PITPNM2: variants seen among roughly 807,000 people sequenced by gnomAD.
PITPNM2 encodes the protein membrane-associated phosphatidylinositol transfer protein 2.
Under a neutral mutation model 132.2 loss-of-function variants are expected in PITPNM2, and 35 were observed. The ratio of observed to expected loss-of-function variants is 0.26; its 90% CI spans 0.20 to 0.35. The LOEUF is 0.35. Among genes scored for constraint, PITPNM2 ranks in the 10% least tolerant of loss-of-function variants. The pLI is 1.00. For missense variants in PITPNM2, 1,332 were observed against 1,912.0 expected (o/e 0.70, Z 5.66); for synonymous variants, 738 against 799.2 (o/e 0.92, Z 1.29).
At chr12:122,987,195 C>T (rs2037973602) in intron 23 of PITPNM2, 86 bp downstream of exon 23, 2 of 1,570,826 alleles carry the variant, frequency 1.3e-6, no homozygotes, top group Non-Finnish European at 1.7e-6. Flanking sequence ...CACAGAGGCT[C>T]CGCTGTCCTC....
rs79456402 is a variant in PITPNM2, at chr12:122,997,303, A to G, written c.1472+22T>C. On this transcript the variant is annotated intron_variant, in intron 11 of 25. Coordinates refer to ENST00000320201, the MANE Select transcript of PITPNM2 (RefSeq NM_020845.3). ...GGACAGTGCACTGCCGGAGGCTGCA[A>G]TCAAGGGCAGATGCCACTCACTTGG... The G allele has an allele frequency of 3.8e-4, 617 of 1,611,624 alleles. 7 individuals carry two copies. In the African/African-American group the frequency reaches 4.3e-3, roughly 11 times the overall value.
At chr12:122,989,703 G>A (rs1364927213) in intron 18 of PITPNM2, 84 bp downstream of exon 18, 2 of 1,261,656 alleles carry the variant, frequency 1.6e-6, no homozygotes, top group Middle Eastern at 3.1e-4. Context: ...GCCGAAGCGG[G>A]GGTCTAGGTG....
chr12:122,989,317 T>G (rs905436566), intron 18 of PITPNM2, among the ~76,000 whole-genome samples: 8 of 152,150 alleles, frequency 5.3e-5, no homozygotes, highest in African/African-American at 1.9e-4. Flanking sequence ...GCTGCCCTTC[T>G]CGCACCTGGG....
intron 2 of PITPNM2, among the ~76,000 whole-genome samples, chr12:123,065,442 G>A (rs929010814): frequency 5.9e-5 from 9 of 152,246 alleles, no homozygotes; most frequent in South Asian, 2.1e-4. Flanking sequence ...GGGAACCAAC[G>A]GGGCTGGCAG....
At position 123,000,846 on chromosome 12, in the gene PITPNM2, C is replaced by A; in HGVS notation, c.1156G>T (p.Gly386Cys). 1 of 1,614,046 alleles carries A rather than the reference C, an allele frequency of 6.2e-7. No homozygotes were observed. The highest frequency in any genetic ancestry group is 2.2e-5 in the East Asian group (1 of 44,884). ...TCAGGGGCACCCTGGCGGTACAGAC[C>A]ATCTGCAAAGACACAGAAGCCGTGC... ...ESPEPEDTQDGLYRQGAPEFR... is the reference protein window; with the variant it reads ...ESPEPEDTQDCLYRQGAPEFR... The change falls in exon 10 of 26, where the codon GGT (glycine) becomes TGT (cysteine). Residue 386 changes from glycine (G) to cysteine (C), a missense_variant and splice_region_variant. Transcript: ENST00000320201. The surrounding 1 kb of genome is among the most constrained non-coding windows in gnomAD (Gnocchi z 5.4).
intron 2 of PITPNM2, among the ~76,000 whole-genome samples, chr12:123,062,506 G>A (rs1279812676): frequency 6.6e-6 from 1 of 152,118 alleles, no homozygotes; most frequent in East Asian, 1.9e-4. Context: ...CGGGGCAGGG[G>A]CAGAGGCTAT....
Position 123,064,382 on chromosome 12 carries a change from C to A in PITPNM2, c.-95-29697G>T. On this transcript the variant is annotated intron_variant, in intron 2 of 25. Coordinates refer to ENST00000320201, the MANE Select transcript of PITPNM2 (RefSeq NM_020845.3). The surrounding 1 kb of genome is among the most constrained non-coding windows in gnomAD (Gnocchi z 4.0). ...CCAGCACCCCAAGGCCTGCAGCCCACAGGAGGCTCTCAGCCACCACGGGGC... is the reference window on the plus strand; with the variant it reads ...CCAGCACCCCAAGGCCTGCAGCCCAAAGGAGGCTCTCAGCCACCACGGGGC... Among the ~76,000 whole-genome samples the A allele has an allele frequency of 6.6e-6, 1 of 152,234 alleles. No individual in the cohort carries two copies. The highest frequency in any genetic ancestry group is 1.5e-5 in the Non-Finnish European group (1 of 68,036).
intron 2 of PITPNM2, among the ~76,000 whole-genome samples, chr12:123,079,879 A>C (rs571797133): frequency 6.6e-6 from 1 of 152,164 alleles, no homozygotes; most frequent in Non-Finnish European, 1.5e-5. Context: ...ATCTAGTTCC[A>C]GAGTTTCAGC....
Position 123,005,538 on chromosome 12 carries a change from C to T in PITPNM2, c.654G>A (p.Arg218=). The change falls in exon 7 of 26, where the codon AGG becomes AGA. Residue 218 remains arginine, a synonymous_variant. Transcript: ENST00000320201. This position sits in a 1 kb window ranked among gnomAD's most constrained non-coding sequence, Gnocchi z 6.2. ...CCTGCCGGTGAGCCCGCACCATCAC[C>T]CTCCGTAGTCCTGTGCCCCATGGGG... ...ERFIHDTGLR[R]VMVRAHRQAW... 4 of 1,612,972 alleles carry T rather than the reference C, an allele frequency of 2.5e-6. No homozygotes were observed. The East Asian group carries it at 8.9e-5, about 36-fold the overall frequency.
chr12:122,997,502 C>G lies in PITPNM2; in HGVS notation c.1295G>C (p.Gly432Ala), dbSNP rs1377966696. The change falls in exon 11 of 26, where the codon GGC (glycine) becomes GCC (alanine). Residue 432 changes from glycine (G) to alanine (A), a missense_variant. This residue lies in a region of PITPNM2 where 710 missense variants were observed against 911.5 expected (regional missense o/e 0.78). Coordinates refer to ENST00000320201, the MANE Select transcript of PITPNM2 (RefSeq NM_020845.3). ...CCCGGCGCCTGTGTCCAGGATGGTGCCTCCGTGCAGCACCAGTAGCAGCAC... is the reference window on the plus strand; with the variant it reads ...CCCGGCGCCTGTGTCCAGGATGGTGGCTCCGTGCAGCACCAGTAGCAGCAC... ...IHVLLLVLHG[G>A]TILDTGAGDP... 6.2e-7 allele frequency: 1 copy of G among 1,613,272 alleles called. No individual in the cohort carries two copies. Among genetic ancestry groups the G allele is most frequent in the East Asian group, 2.2e-5 (1 of 44,874 alleles).
intron 2 of PITPNM2, among the ~76,000 whole-genome samples, chr12:123,071,648 A>G (rs1806471164): frequency 6.6e-6 from 1 of 152,246 alleles, no homozygotes; most frequent in Non-Finnish European, 1.5e-5. Context: ...GTACAGAGCA[A>G]TCTGACACTG....
At chr12:123,029,301 G>T (rs945066773) in intron 3 of PITPNM2, among the ~76,000 whole-genome samples, 1 of 152,214 alleles carries the variant, frequency 6.6e-6, no homozygotes, top group Non-Finnish European at 1.5e-5. Flanking sequence ...TACAGATAAA[G>T]AAACTGGCTG....
At position 123,078,631 on chromosome 12, in the gene PITPNM2, G is replaced by A. The variant is rs773946590; in HGVS notation, c.-96+31754C>T. 6.6e-6 allele frequency among the ~76,000 whole-genome samples: 1 copy of A among 152,236 alleles called. No individual in the cohort carries two copies. The highest frequency in any genetic ancestry group is 1.5e-5 in the Non-Finnish European group (1 of 68,038). ...TGAGTCACATCTTCCCACCCTCAGG[G>A]ATAAGGGGATACCCACCTATGGAAG... On this transcript the variant is annotated intron_variant, in intron 2 of 25. Transcript: ENST00000320201. The surrounding 1 kb of genome is among the most constrained non-coding windows in gnomAD (Gnocchi z 7.3).
At chr12:123,032,005 G>A (rs929979922) in intron 3 of PITPNM2, among the ~76,000 whole-genome samples, 9 of 152,292 alleles carry the variant, frequency 5.9e-5, no homozygotes, top group South Asian at 4.1e-4. Context: ...TCTGCAAGGC[G>A]GGAGATGTTT....
Position 123,013,873 on chromosome 12 carries a change from C to T in PITPNM2, c.248G>A (p.Arg83Gln), listed in dbSNP as rs762451656. Residue 83 changes from arginine to glutamine, a missense_variant, in exon 4 of 26, where the codon CGG (arginine) becomes CAG (glutamine). Transcript: ENST00000320201. ...GGCATTCCAAGACTCCTCCACCACC[C>T]GCAGGGCTGCCTTGGGCAGGATGGA... Reference protein sequence around the residue: ...FRSILPKAALRVVEESWNAYP... With the variant: ...FRSILPKAALQVVEESWNAYP... 4 of 1,614,134 alleles carry T rather than the reference C, an allele frequency of 2.5e-6. No individual in the cohort carries two copies. The highest frequency in any genetic ancestry group is 1.3e-5 in the African/African-American group (1 of 74,946).
Position 122,992,209 on chromosome 12 carries a change from G to C in PITPNM2, c.2404+290C>G, listed in dbSNP as rs766169362. 1.3e-5 allele frequency among the ~76,000 whole-genome samples: 2 copies of C among 152,170 alleles called. No homozygotes were observed. Among genetic ancestry groups the C allele is most frequent in the Non-Finnish European group, 2.9e-5 (2 of 68,018 alleles). ...GGGATGGAGGCTCAGCTGTGGAGAG[G>C]GGAGTCTGGTCTTGTTCTGCCCTTT... is the stretch of plus-strand genomic sequence containing the variant. On this transcript the variant is annotated intron_variant, in intron 16 of 25. Transcript: ENST00000320201. This position sits in a 1 kb window ranked among gnomAD's most constrained non-coding sequence, Gnocchi z 6.5.
chr12:123,031,478 T>C lies in PITPNM2; in HGVS notation c.78+3035A>G, dbSNP rs1423601625. Among the ~76,000 whole-genome samples the C allele has an allele frequency of 3.9e-5, 6 of 152,160 alleles. No homozygotes were observed. Among genetic ancestry groups the C allele is most frequent in the Non-Finnish European group, 8.8e-5 (6 of 68,022 alleles). ...CCAGTCAGTAGCTCTAGCAGGAACC[T>C]ATGGCTTCCTGGTAACTACATGAGG... On this transcript the variant is annotated intron_variant, in intron 3 of 25. Transcript: ENST00000320201. This position sits in a 1 kb window ranked among gnomAD's most constrained non-coding sequence, Gnocchi z 4.5.
At position 123,095,704 on chromosome 12, in the gene PITPNM2, TCA is replaced by T. The variant is rs956490134; in HGVS notation, c.-96+14679_-96+14680del. 6.6e-6 allele frequency among the ~76,000 whole-genome samples: 1 copy of T among 152,134 alleles called. No homozygotes were observed. The highest frequency in any genetic ancestry group is 2.4e-5 in the African/African-American group (1 of 41,428). On this transcript the variant is annotated intron_variant, in intron 2 of 25. Coordinates refer to ENST00000320201, the MANE Select transcript of PITPNM2 (RefSeq NM_020845.3). This position sits in a 1 kb window ranked among gnomAD's most constrained non-coding sequence, Gnocchi z 5.0. The stretch of plus-strand genomic sequence containing the variant: ...CTGCAGCTCAGCCCCAGCCAGACTC[TCA>T]CAGACAGGAGCCCATGGGGCTCCTC...
At chr12:123,143,033 G>A (rs1181859346) in intron 1 of PITPNM2, among the ~76,000 whole-genome samples, 4 of 152,176 alleles carry the variant, frequency 2.6e-5, no homozygotes, top group Non-Finnish European at 4.4e-5. Flanking sequence ...ACACCTGTGG[G>A]GAAGCCCTGC....
Sources: gnomAD v4.1 joint callset for allele counts (sites outside exome capture counted in the v4.1 genomes callset) on GRCh38, gnomAD v4.1.1 for gene constraint, gnomAD v4.1.1 regional missense constraint, Gnocchi (gnomAD v3.1) non-coding constraint, MANE v1.5 for transcripts, NCBI Gene and HGNC (gene_info 2026-07-23, HGNC 2026-07-21) for gene names.